KDM4C: variants seen among roughly 807,000 people sequenced by gnomAD.
The protein encoded by KDM4C is lysine demethylase 4C.
A neutral mutation model predicts 129.3 loss-of-function variants in KDM4C; 81 were observed. That is an observed-to-expected ratio of 0.63 (90% confidence interval 0.52 to 0.75). The LOEUF (loss-of-function observed/expected upper bound fraction) is 0.75, where lower values mean the gene tolerates loss of function less well. KDM4C is among the 30% of genes least tolerant of loss of function. The probability of loss-of-function intolerance (pLI) is 0.00; values close to 1 mark genes in which losing one functional copy is unlikely to be tolerated. For missense variants in KDM4C, 1,457 were observed against 1,304.0 expected, an observed-to-expected ratio of 1.12 and a Z score of -1.81; for synonymous variants, 573 against 456.1, an observed-to-expected ratio of 1.26 and a Z score of -3.26.
At chr9:6,830,581 A>G (rs954285769) in intron 4 of KDM4C, among the ~76,000 whole-genome samples, 1 of 152,234 alleles carries the variant, frequency 6.6e-6, no homozygotes, top group Non-Finnish European at 1.5e-5. Flanking sequence ...TATATATTTG[A>G]TATTTTAAAG....
chr9:6,766,403 G>C lies in KDM4C; in HGVS notation c.-18+8200G>C, dbSNP rs1211617879. On this transcript the variant is annotated intron_variant, in intron 1 of 21. Coordinates refer to ENST00000381309, the MANE Select transcript of KDM4C (RefSeq NM_015061.6). Reference sequence around the variant, plus strand: ...CAAGTATTGATTTGCTGTTTACTGGGAAGGAATGGGAAAATTTTTGAAATT... The same window carrying C: ...CAAGTATTGATTTGCTGTTTACTGGCAAGGAATGGGAAAATTTTTGAAATT... Among the ~76,000 whole-genome samples, 4 of 151,928 alleles carry C rather than the reference G, an allele frequency of 2.6e-5. No individual in the cohort carries two copies. The South Asian group carries it at 8.3e-4, about 32-fold the overall frequency.
chr9:7,109,177 G>T lies in KDM4C; in HGVS notation c.2610+5307G>T, dbSNP rs376781329. Among the ~76,000 whole-genome samples the T allele has an allele frequency of 2.6e-5, 4 of 152,298 alleles. 1 individual carries two copies. The East Asian group carries it at 5.8e-4, about 22-fold the overall frequency. ...GTGGTATGTGTGTAGGCTGTTGCCA[G>T]ATCTGAAACTAAAGATATATTTTTG... On this transcript the variant is annotated intron_variant, in intron 18 of 21. Transcript: ENST00000381309.
Position 7,027,445 on chromosome 9 carries a change from T to G in KDM4C, c.2259+11516T>G, listed in dbSNP as rs1314441218. On this transcript the variant is annotated intron_variant, in intron 15 of 21. Coordinates refer to ENST00000381309, the MANE Select transcript of KDM4C (RefSeq NM_015061.6). Reference sequence around the variant, plus strand: ...CTTTCTTCCAAACAAAGGGAGTCTCTCTGTTTGTTCTGAGCCATGTGGAGC... The same window carrying G: ...CTTTCTTCCAAACAAAGGGAGTCTCGCTGTTTGTTCTGAGCCATGTGGAGC... Among the ~76,000 whole-genome samples the G allele has an allele frequency of 2.0e-5, 3 of 152,198 alleles. No homozygotes were observed. In the East Asian group the frequency reaches 5.8e-4, roughly 29 times the overall value.
chr9:6,774,431 G>A lies in KDM4C; in HGVS notation c.-18+16228G>A, dbSNP rs138749984. On this transcript the variant is annotated intron_variant, in intron 1 of 21. Coordinates refer to ENST00000381309, the MANE Select transcript of KDM4C (RefSeq NM_015061.6). ...TGTAATCCCAGCACTTTGGGAGGCC[G>A]AGGTGTGCGAATCACTTGAGCCCAG... Among the ~76,000 whole-genome samples, 902 of 152,240 alleles carry A rather than the reference G, an allele frequency of 5.9e-3. 13 individuals carry two copies. The highest frequency in any genetic ancestry group is 0.019 in the African/African-American group (804 of 41,546).
intron 4 of KDM4C, among the ~76,000 whole-genome samples, chr9:6,825,507 C>A (rs1037496669): frequency 6.6e-6 from 1 of 152,106 alleles, no homozygotes; most frequent in East Asian, 1.9e-4. Context: ...TGATATGTTT[C>A]TGAAAGAACG....
intron 3 of KDM4C, among the ~76,000 whole-genome samples, chr9:6,806,700 C>T (rs1830038407): frequency 6.6e-6 from 1 of 151,972 alleles, no homozygotes; most frequent in Non-Finnish European, 1.5e-5. Flanking sequence ...CAAGAGTGCT[C>T]CCCTTTCATG....
chr9:6,721,047 G>A, intron 1 of KDM4C: 2 of 1,452,246 alleles, frequency 1.4e-6, no homozygotes, highest in Non-Finnish European at 1.9e-6. Flanking sequence ...ATAGTTGGTG[G>A]TTCTGTCACA....
At chr9:7,128,772 G>C (rs1468273727) in intron 19 of KDM4C, among the ~76,000 whole-genome samples, 1 of 144,988 alleles carries the variant, frequency 6.9e-6, no homozygotes, top group Non-Finnish European at 1.5e-5. Context: ...CTAGAACTCT[G>C]TGTGTGTGTG....
intron 3 of KDM4C, among the ~76,000 whole-genome samples, chr9:6,809,325 G>C (rs1830723702): frequency 6.6e-6 from 1 of 152,150 alleles, no homozygotes; most frequent in African/African-American, 2.4e-5. Flanking sequence ...CAATGCTGTT[G>C]AAACAAGATT....
intron 5 of KDM4C, among the ~76,000 whole-genome samples, chr9:6,853,052 C>T (rs182910509): frequency 1.5e-3 from 227 of 151,760 alleles, no homozygotes; most frequent in African/African-American, 5.1e-3. Flanking sequence ...TTTTTTTCAC[C>T]TTTGAATCAT....
chr9:6,994,442 G>A (rs1466015020), intron 12 of KDM4C, among the ~76,000 whole-genome samples: 1 of 152,106 alleles, frequency 6.6e-6, no homozygotes, highest in African/African-American at 2.4e-5. Flanking sequence ...ACCGCCCATA[G>A]ACTCCATATG....
At chr9:6,919,824 C>G (rs1156480080) in intron 8 of KDM4C, among the ~76,000 whole-genome samples, 2 of 152,012 alleles carry the variant, frequency 1.3e-5, no homozygotes, top group African/African-American at 4.8e-5. Context: ...ATCCACCTGC[C>G]TTGGCCCCCC....
At chr9:6,846,788 G>T (rs1483115658) in intron 4 of KDM4C, among the ~76,000 whole-genome samples, 1 of 152,036 alleles carries the variant, frequency 6.6e-6, no homozygotes, top group East Asian at 1.9e-4. Flanking sequence ...AGTAAGATTT[G>T]CTAGAGAATA....
At chr9:6,897,329 C>G (rs987278874) in intron 8 of KDM4C, among the ~76,000 whole-genome samples, 1 of 152,194 alleles carries the variant, frequency 6.6e-6, no homozygotes, top group African/African-American at 2.4e-5. Context: ...CTAATATTCT[C>G]TGATAATGGC....
At chr9:7,046,073 G>A (rs567408418) in intron 15 of KDM4C, among the ~76,000 whole-genome samples, 2 of 151,984 alleles carry the variant, frequency 1.3e-5, no homozygotes, top group Non-Finnish European at 2.9e-5. Context: ...AACAATTTAG[G>A]TCAAGAGAAG....
At position 6,848,738 on chromosome 9, in the gene KDM4C, A is replaced by G. The variant is rs185262503; in HGVS notation, c.436-769A>G. Among the ~76,000 whole-genome samples the G allele has an allele frequency of 5.3e-5, 8 of 152,288 alleles. No homozygotes were observed. The East Asian group carries it at 1.5e-3, about 29-fold the overall frequency. Reference sequence around the variant, plus strand: ...CTTTTCCTATCACCTTAACTCTTATAGTAGTGACTCTAACCTTCCCTCGCT... The same window carrying G: ...CTTTTCCTATCACCTTAACTCTTATGGTAGTGACTCTAACCTTCCCTCGCT... On this transcript the variant is annotated intron_variant, in intron 4 of 21. Transcript: ENST00000381309.
intron 1 of KDM4C, among the ~76,000 whole-genome samples, chr9:6,752,097 G>A (rs1313603403): frequency 1.3e-5 from 2 of 150,468 alleles, no homozygotes; most frequent in African/African-American, 5.0e-5. Flanking sequence ...ACTTTGGGAG[G>A]CCGAGACGGG....
chr9:6,883,178 T>G lies in KDM4C; in HGVS notation c.679+3117T>G, dbSNP rs564456302. On this transcript the variant is annotated intron_variant, in intron 6 of 21. Transcript: ENST00000381309. ...TCTCTTGGAAATTAGGGAAATGTAC[T>G]TTTATTAGCTCTCAAAATGGTAAAT... 3.3e-5 allele frequency among the ~76,000 whole-genome samples: 5 copies of G among 152,326 alleles called. No homozygotes were observed. In the East Asian group the frequency reaches 9.6e-4, roughly 29 times the overall value.
intron 18 of KDM4C, among the ~76,000 whole-genome samples, chr9:7,114,623 A>T (rs915424060): frequency 6.6e-6 from 1 of 152,190 alleles, no homozygotes; most frequent in African/African-American, 2.4e-5. Flanking sequence ...TAAAAAATTC[A>T]AGACAAAGGC....
Sources: allele counts gnomAD v4.1 joint callset (sites outside exome capture counted in the v4.1 genomes callset), GRCh38; gene constraint gnomAD v4.1.1; transcripts MANE v1.5; gene names NCBI Gene and HGNC (gene_info 2026-07-23, HGNC 2026-07-21).